ZNF827: variants seen among roughly 807,000 people sequenced by gnomAD.
The protein encoded by ZNF827 is zinc finger protein 827.
ZNF827 carries 13 observed loss-of-function variants against 102.4 expected under a neutral mutation model. The ratio of observed to expected loss-of-function variants is 0.13; its 90% CI spans 0.08 to 0.20. The LOEUF (loss-of-function observed/expected upper bound fraction) is 0.20, where lower values mean the gene tolerates loss of function less well. Among genes scored for constraint, ZNF827 ranks in the 10% least tolerant of loss-of-function variants. The probability of loss-of-function intolerance (pLI) is 1.00; values close to 1 mark genes in which losing one functional copy is unlikely to be tolerated. For missense variants in ZNF827, 1,103 were observed against 1,344.4 expected, an observed-to-expected ratio of 0.82 and a Z score of 2.81; for synonymous variants, 523 against 536.2, an observed-to-expected ratio of 0.98 and a Z score of 0.34.
At chr4:145,810,173 T>C (rs1455504226) in intron 8 of ZNF827, among the ~76,000 whole-genome samples, 3 of 152,246 alleles carry the variant, frequency 2.0e-5, no homozygotes, top group African/African-American at 7.2e-5. Context: ...TTACAAATCA[T>C]GGAATCATAC....
chr4:145,913,358 A>G (rs1307067926), intron 1 of ZNF827, among the ~76,000 whole-genome samples: 1 of 148,046 alleles, frequency 6.8e-6, no homozygotes, highest in Non-Finnish European at 1.5e-5. Flanking sequence ...TCCAGGAAGC[A>G]GAGGTTGCAG....
At chr4:145,814,357 T>C (rs1742354726) in intron 8 of ZNF827, among the ~76,000 whole-genome samples, 1 of 152,140 alleles carries the variant, frequency 6.6e-6, no homozygotes, top group Non-Finnish European at 1.5e-5. Context: ...TTGGCCCACA[T>C]GTATGGTAGA....
intron 5 of ZNF827, among the ~76,000 whole-genome samples, chr4:145,861,535 G>GC (rs1747731586): frequency 6.6e-6 from 1 of 152,140 alleles, no homozygotes; most frequent in Non-Finnish European, 1.5e-5. Context: ...CTCCGTTTGT[G>GC]CCCCAAGTAT....
At chr4:145,821,110 G>A (rs902386790) in intron 8 of ZNF827, among the ~76,000 whole-genome samples, 1 of 152,166 alleles carries the variant, frequency 6.6e-6, no homozygotes, top group Non-Finnish European at 1.5e-5. Context: ...TGGACCTGAA[G>A]CAACACTTCA....
chr4:145,776,894 G>A (rs886180615), intron 9 of ZNF827, among the ~76,000 whole-genome samples: 6 of 152,144 alleles, frequency 3.9e-5, no homozygotes, highest in Non-Finnish European at 7.3e-5. Context: ...TTTCAGGATC[G>A]TTTCCAGAGT....
chr4:145,792,923 C>T (rs886319637), intron 8 of ZNF827, among the ~76,000 whole-genome samples: 2 of 151,920 alleles, frequency 1.3e-5, no homozygotes, highest in East Asian at 3.9e-4. Context: ...TTTACTCTTG[C>T]GTGGAAATGC....
At chr4:145,791,403 A>G (rs1739675475) in intron 8 of ZNF827, among the ~76,000 whole-genome samples, 1 of 152,196 alleles carries the variant, frequency 6.6e-6, no homozygotes, top group South Asian at 2.1e-4. Flanking sequence ...GAGGATTTTA[A>G]TGTATGAATT....
intron 8 of ZNF827, among the ~76,000 whole-genome samples, chr4:145,810,532 T>C (rs1741906548): frequency 6.6e-6 from 1 of 152,250 alleles, no homozygotes; most frequent in South Asian, 2.1e-4. Flanking sequence ...CTTCTCCCAA[T>C]CCCTGTCCTT....
At chr4:145,856,462 T>C (rs538615068) in intron 5 of ZNF827, among the ~76,000 whole-genome samples, 159 of 152,248 alleles carry the variant, frequency 1.0e-3, no homozygotes, top group African/African-American at 3.7e-3. Context: ...TGCCCATGGG[T>C]GCTGCCACAC....
chr4:145,778,776 C>G (rs1047279425), intron 9 of ZNF827, among the ~76,000 whole-genome samples: 3 of 152,144 alleles, frequency 2.0e-5, no homozygotes, highest in African/African-American at 7.2e-5. Flanking sequence ...AACCTGATTT[C>G]AGTGTAAAAA....
intron 5 of ZNF827, among the ~76,000 whole-genome samples, chr4:145,866,101 C>CCT (rs769051433): frequency 1.3e-5 from 2 of 152,166 alleles, no homozygotes; most frequent in Admixed American, 1.3e-4. Context: ...GGGCCTCCAG[C>CCT]CTCTGGCTGC....
intron 1 of ZNF827, among the ~76,000 whole-genome samples, chr4:145,934,169 T>C (rs1753996869): frequency 6.6e-6 from 1 of 152,200 alleles, no homozygotes; most frequent in Admixed American, 6.5e-5. Context: ...GTATCTCGTG[T>C]AATAATTTTT....
rs1734586755 is a variant in ZNF827 at position 145,761,967 on chromosome 4, G to C, written c.*18-369C>G. The stretch of plus-strand genomic sequence containing the variant: ...AGCCCTCCCCACTCCCGACCAGACA[G>C]CGCAGAGGTCTAAACCTCCTGACCT... On this transcript the variant is annotated intron_variant, in intron 14 of 14. Transcript: ENST00000508784. The surrounding 1 kb of genome is among the most constrained non-coding windows in gnomAD (Gnocchi z 6.8). Among the ~76,000 whole-genome samples the C allele has an allele frequency of 1.3e-5, 2 of 151,920 alleles. No homozygotes were observed. Among genetic ancestry groups the C allele is most frequent in the Admixed American group, 6.5e-5 (1 of 15,270 alleles).
chr4:145,793,941 G>C (rs879406601), intron 8 of ZNF827, among the ~76,000 whole-genome samples: 3 of 152,094 alleles, frequency 2.0e-5, no homozygotes, highest in African/African-American at 2.4e-5. Flanking sequence ...GTGAAACTCT[G>C]ACTGGGGGGA....
At chr4:145,919,303 G>A (rs1171718339) in intron 1 of ZNF827, among the ~76,000 whole-genome samples, 1 of 152,108 alleles carries the variant, frequency 6.6e-6, no homozygotes, top group Non-Finnish European at 1.5e-5. Context: ...AAGAGGAGAG[G>A]CAAAAACAAG....
intron 7 of ZNF827, among the ~76,000 whole-genome samples, chr4:145,825,780 C>G (rs1353397572): frequency 6.6e-6 from 1 of 152,076 alleles, no homozygotes; most frequent in Non-Finnish European, 1.5e-5. Flanking sequence ...CACTGAGCTG[C>G]TCAGAAGAAA....
chr4:145,885,610 CAGAGAGAGAGAGAGAGAGAGAGAG>C (rs200461563), intron 4 of ZNF827, 44 bp downstream of exon 4: 150 of 1,174,750 alleles, frequency 1.3e-4, no homozygotes, highest in East Asian at 2.8e-4. Context: ...TAGACAGAGA[CAGAGAGAGAGAGAGAGAGAGAGAG>C]AGAGAGAGAG....
chr4:145,780,533 A>C (rs1737812766), intron 8 of ZNF827, among the ~76,000 whole-genome samples: 1 of 152,220 alleles, frequency 6.6e-6, no homozygotes, highest in South Asian at 2.1e-4. Flanking sequence ...ACATTCTCTA[A>C]TCATCTTAAA....
At chr4:145,835,831 A>G (rs925103668) in intron 7 of ZNF827, among the ~76,000 whole-genome samples, 3 of 148,670 alleles carry the variant, frequency 2.0e-5, no homozygotes, top group Non-Finnish European at 3.0e-5. Flanking sequence ...TCCTTACAAT[A>G]CCCCCATTTT....
Sources: allele counts gnomAD v4.1 joint callset (sites outside exome capture counted in the v4.1 genomes callset), GRCh38; gene constraint gnomAD v4.1.1; non-coding constraint Gnocchi (gnomAD v3.1); transcripts MANE v1.5; gene names NCBI Gene and HGNC (gene_info 2026-07-23, HGNC 2026-07-21).